DCDC1: variants seen among roughly 807,000 people sequenced by gnomAD.
The protein encoded by DCDC1 is doublecortin domain-containing protein 1.
A neutral mutation model predicts 178.3 loss-of-function variants in DCDC1; 200 were observed. The observed-to-expected ratio is 1.12, with a 90% CI of 1.00 to 1.26. DCDC1 has a LOEUF of 1.26. Among genes scored for constraint, DCDC1 ranks in the 50% most tolerant of loss-of-function variants. The pLI, the probability that DCDC1 is intolerant of heterozygous loss-of-function variation, is 0.00. For missense variants in DCDC1, 1,983 were observed against 1,749.2 expected, an observed-to-expected ratio of 1.13 and a Z score of -2.38; for synonymous variants, 690 against 604.8, an observed-to-expected ratio of 1.14 and a Z score of -2.07.
In DCDC1 at chr11:31,006,714, G is replaced by A. The variant is rs115505040; in HGVS notation, c.2592-54146C>T. Among the ~76,000 whole-genome samples the A allele has an allele frequency of 4.8e-3, 737 of 152,130 alleles. 9 individuals are homozygous for A. The highest frequency in any genetic ancestry group is 0.016 in the African/African-American group (645 of 41,518). On this transcript the variant is annotated intron_variant, in intron 20 of 38. Coordinates refer to ENST00000684477, the MANE Select transcript of DCDC1 (RefSeq NM_001387274.1). ...CGTAGTAAGCACCCAATAAATATTC[G>A]CTCTAACTAACAATAATGCAATTAT...
intron 22 of DCDC1, among the ~76,000 whole-genome samples, chr11:30,927,263 C>T (rs552746440): frequency 5.9e-4 from 89 of 152,062 alleles, no homozygotes; most frequent in African/African-American, 1.9e-3. Context: ...ATTTTCAATT[C>T]TGTATGGTTA....
intron 30 of DCDC1, 97 bp downstream of exon 30, chr11:30,906,443 A>G: frequency 1.7e-6 from 2 of 1,204,588 alleles, no homozygotes; most frequent in Admixed American, 5.1e-5. Flanking sequence ...GAATTGGATG[A>G]GTGGAGATGA....
intron 36 of DCDC1, among the ~76,000 whole-genome samples, chr11:30,886,045 G>C (rs1387645028): frequency 6.6e-6 from 1 of 151,926 alleles, no homozygotes; most frequent in African/African-American, 2.4e-5. Context: ...AAATTATATG[G>C]GGAAAAAGTG....
At chr11:31,137,125 T>C (rs1963226791) in intron 10 of DCDC1, among the ~76,000 whole-genome samples, 2 of 152,300 alleles carry the variant, frequency 1.3e-5, no homozygotes, top group African/African-American at 4.8e-5. Context: ...AACAATTTAC[T>C]AATTTAGAAA....
intron 20 of DCDC1, among the ~76,000 whole-genome samples, chr11:31,040,854 G>C (rs548212347): frequency 7.2e-5 from 11 of 152,192 alleles, no homozygotes; most frequent in Non-Finnish European, 1.5e-4. Flanking sequence ...AGCTAGAAAA[G>C]CTGGGTCAAT....
chr11:31,291,045 G>C (rs575729268), intron 6 of DCDC1, among the ~76,000 whole-genome samples, 193 bp from the exon 7 acceptor site: 55 of 152,014 alleles, frequency 3.6e-4, no homozygotes, highest in Middle Eastern at 6.8e-3. Flanking sequence ...TGCTCTGATA[G>C]CCTGCATAAA....
At chr11:31,129,415 T>G (rs1342100118) in intron 10 of DCDC1, among the ~76,000 whole-genome samples, 1 of 152,184 alleles carries the variant, frequency 6.6e-6, no homozygotes, top group Middle Eastern at 3.2e-3. Context: ...GCAAACTTGT[T>G]TTAAAAAGGG....
intron 21 of DCDC1, 51 bp from the exon 22 acceptor site, chr11:30,932,003 T>C (rs1297894400): frequency 4.0e-6 from 6 of 1,485,082 alleles, no homozygotes; most frequent in South Asian, 1.4e-5. Context: ...AGAAGGGTCA[T>C]GTCTAGATTT....
intron 20 of DCDC1, among the ~76,000 whole-genome samples, chr11:31,063,379 C>T (rs1253305587): frequency 6.6e-6 from 1 of 152,142 alleles, no homozygotes; most frequent in East Asian, 1.9e-4. Context: ...ATAAATCACG[C>T]TGCTATAAAG....
chr11:31,209,808 A>G (rs748222081), intron 9 of DCDC1, among the ~76,000 whole-genome samples: 1 of 152,232 alleles, frequency 6.6e-6, no homozygotes, highest in Non-Finnish European at 1.5e-5. Context: ...AATTGTGGAA[A>G]GACCTCTTCA....
At chr11:31,153,817 C>CACACACACA (rs957007039) in intron 9 of DCDC1, among the ~76,000 whole-genome samples, 1,755 of 150,040 alleles carry the variant, frequency 0.012, 39 homozygotes, top group African/African-American at 0.041. Context: ...CACACACACA[C>CACACACACA]AATTACCATA....
intron 20 of DCDC1, among the ~76,000 whole-genome samples, chr11:30,991,807 C>A (rs985488819): frequency 6.6e-6 from 1 of 152,124 alleles, no homozygotes; most frequent in Non-Finnish European, 1.5e-5. Flanking sequence ...AAATTGCATT[C>A]CTTCAGATAA....
At chr11:31,234,299 C>T (rs1976182074) in intron 9 of DCDC1, among the ~76,000 whole-genome samples, 1 of 152,016 alleles carries the variant, frequency 6.6e-6, no homozygotes, top group Non-Finnish European at 1.5e-5. Flanking sequence ...ACATTAATTC[C>T]CACCTTTTGC....
Position 30,893,141 on chromosome 11 carries a change from C to T in DCDC1, c.4903-144G>A, listed in dbSNP as rs1378901990. On this transcript the variant is annotated intron_variant, in intron 35 of 38. Transcript: ENST00000684477. ...GGAAGTAACTATTAAGTACATTAGC[C>T]TCTCTTGTCACTGACTCTGGTAAAT... 8 of 820,036 alleles carry T rather than the reference C, an allele frequency of 9.8e-6. No homozygotes were observed. In the East Asian group the frequency reaches 1.7e-4, roughly 17 times the overall value. The allele number at this position is 820,036 out of a possible 1,614,324, so 50.8% of individuals were successfully genotyped here.
chr11:30,959,109 G>T (rs1159058943), intron 20 of DCDC1, among the ~76,000 whole-genome samples: 1 of 152,130 alleles, frequency 6.6e-6, no homozygotes, highest in African/African-American at 2.4e-5. Flanking sequence ...GGAGGAAGTT[G>T]ATGCCTTCCA....
chr11:31,118,112 T>C (rs1259175190), intron 11 of DCDC1, among the ~76,000 whole-genome samples: 2 of 152,154 alleles, frequency 1.3e-5, no homozygotes, highest in African/African-American at 2.4e-5. Flanking sequence ...TTTATTTTAC[T>C]AGGAGAAATG....
chr11:31,303,272 A>T (rs1451487656), intron 6 of DCDC1, among the ~76,000 whole-genome samples: 1 of 152,188 alleles, frequency 6.6e-6, no homozygotes, highest in Non-Finnish European at 1.5e-5. Flanking sequence ...AAAAGTCTGT[A>T]AATTAAAACA....
At chr11:31,324,879 A>G (rs1565610390) in intron 3 of DCDC1, among the ~76,000 whole-genome samples, 1 of 152,150 alleles carries the variant, frequency 6.6e-6, no homozygotes, top group Non-Finnish European at 1.5e-5. Context: ...GCTTGTGAAA[A>G]AGTAACCTAG....
chr11:31,022,643 T>TTGTGTGTGTGTGTGTGTG (rs4067986), intron 20 of DCDC1, among the ~76,000 whole-genome samples: 12 of 121,048 alleles, frequency 9.9e-5, no homozygotes, highest in African/African-American at 2.6e-4. Context: ...GTCTTTTAGT[T>TTGTGTGTGTGTGTGTGTG]TGTGTGTGTG....
Sources: gnomAD v4.1 joint callset for allele counts (sites outside exome capture counted in the v4.1 genomes callset) on GRCh38, gnomAD v4.1.1 for gene constraint, MANE v1.5 for transcripts, NCBI Gene and HGNC (gene_info 2026-07-23, HGNC 2026-07-21) for gene names.